The following GRIN2A variants were observed in gnomAD, a reference collection of about 807,000 sequenced individuals.
GRIN2A encodes the protein glutamate receptor ionotropic, NMDA 2A.
GRIN2A carries 22 observed loss-of-function variants against 113.4 expected under a neutral mutation model. The observed-to-expected ratio is 0.19, with a 90% confidence interval of 0.14 to 0.28. The LOEUF is 0.28. GRIN2A is among the 10% of genes least tolerant of loss of function. GRIN2A has a pLI of 1.00. For missense variants in GRIN2A, 1,502 were observed against 1,887.0 expected (o/e 0.80, Z 3.78); for synonymous variants, 827 against 738.4 (o/e 1.12, Z -1.94).
In GRIN2A at chr16:10,096,247, G is replaced by C. The variant is rs116235583; in HGVS notation, c.414+83751C>G. ...GTTGACAGCCCCTACGGGACTCAGA[G>C]GATAGTGACATTCTGACATTCTCTG... On this transcript the variant is annotated intron_variant, in intron 2 of 12. Coordinates refer to ENST00000330684, the MANE Select transcript of GRIN2A (RefSeq NM_001134407.3). Among the ~76,000 whole-genome samples, 441 of 152,170 alleles carry C rather than the reference G, an allele frequency of 2.9e-3. 3 individuals carry two copies. Among genetic ancestry groups the C allele is most frequent in the African/African-American group, 0.01 (423 of 41,482 alleles).
intron 2 of GRIN2A, among the ~76,000 whole-genome samples, chr16:9,946,006 A>G (rs1206287575): frequency 6.6e-6 from 1 of 152,284 alleles, no homozygotes; most frequent in East Asian, 1.9e-4. Flanking sequence ...AAATGCATGG[A>G]GAAATGTATT....
At chr16:9,988,284 C>T (rs72774035) in intron 2 of GRIN2A, among the ~76,000 whole-genome samples, 6,592 of 146,858 alleles carry the variant, frequency 0.045, 440 homozygotes, top group African/African-American at 0.15. Flanking sequence ...TGTGTGTGTG[C>T]GTGTGTGTGT....
chr16:9,849,705 G>C, intron 5 of GRIN2A, 51 bp downstream of exon 5: 1 of 1,276,980 alleles, frequency 7.8e-7, no homozygotes, highest in Non-Finnish European at 1.1e-6. Flanking sequence ...GATGATCCAT[G>C]CTATTTCAAA....
At chr16:9,843,768 T>C (rs2042724667) in intron 5 of GRIN2A, among the ~76,000 whole-genome samples, 1 of 152,188 alleles carries the variant, frequency 6.6e-6, no homozygotes. Context: ...CATCTGTGTA[T>C]ATTTACATGT....
chr16:9,944,499 C>G (rs950701133), intron 2 of GRIN2A, among the ~76,000 whole-genome samples: 1 of 152,160 alleles, frequency 6.6e-6, no homozygotes, highest in Admixed American at 6.5e-5. Context: ...TCATCATGAC[C>G]ATCATCATAG....
At chr16:10,091,986 G>A (rs2048192374) in intron 2 of GRIN2A, among the ~76,000 whole-genome samples, 1 of 152,126 alleles carries the variant, frequency 6.6e-6, no homozygotes, top group African/African-American at 2.4e-5. Context: ...ATTGGATTAT[G>A]TATTTACAAT....
intron 2 of GRIN2A, among the ~76,000 whole-genome samples, chr16:9,978,532 T>C (rs1397855527): frequency 6.6e-6 from 1 of 151,994 alleles, no homozygotes; most frequent in Non-Finnish European, 1.5e-5. Flanking sequence ...CTTCCTCCTC[T>C]TTCTCCTCCT....
rs1022171749 is a variant in GRIN2A, at chr16:9,757,221, T to G, written c.*5928A>C. Reference sequence around the variant, plus strand: ...ACAAAAGCCTTCCTGTGCAAAAATGTAGGAGTGTGAGTGTGTTCACCTGGT... The same window carrying G: ...ACAAAAGCCTTCCTGTGCAAAAATGGAGGAGTGTGAGTGTGTTCACCTGGT... On this transcript the variant is annotated 3_prime_UTR_variant, in exon 13 of 13. Transcript: ENST00000330684. The G allele has an allele frequency of 1.4e-5, 3 of 219,904 alleles. No individual in the cohort carries two copies. The highest frequency in any genetic ancestry group is 2.7e-5 in the Non-Finnish European group (3 of 109,624). The allele number at this position is 219,904 out of a possible 1,614,324, so 13.6% of individuals were successfully genotyped here. A position where few individuals can be genotyped will look rare whatever the true frequency, so the allele number is the denominator to read the frequency against.
At chr16:10,117,966 A>G (rs1156684418) in intron 2 of GRIN2A, among the ~76,000 whole-genome samples, 1 of 152,136 alleles carries the variant, frequency 6.6e-6, no homozygotes, top group Non-Finnish European at 1.5e-5. Context: ...GGTCTGAACA[A>G]TGAGAGGGAG....
chr16:10,067,860 C>A (rs942169109), intron 2 of GRIN2A, among the ~76,000 whole-genome samples: 1 of 152,192 alleles, frequency 6.6e-6, no homozygotes, highest in Non-Finnish European at 1.5e-5. Context: ...ATTATATCCA[C>A]CCCCTCCACC....
intron 11 of GRIN2A, among the ~76,000 whole-genome samples, chr16:9,770,547 A>G (rs553975310): frequency 2.0e-5 from 3 of 152,200 alleles, no homozygotes; most frequent in African/African-American, 7.2e-5. Context: ...AAAGTTGGCT[A>G]ATCATCTAAT....
At chr16:9,968,474 T>G (rs1300978660) in intron 2 of GRIN2A, among the ~76,000 whole-genome samples, 2 of 150,356 alleles carry the variant, frequency 1.3e-5, no homozygotes, top group African/African-American at 4.9e-5. Context: ...CCACCACACC[T>G]GGCTAATTTT....
intron 2 of GRIN2A, among the ~76,000 whole-genome samples, chr16:10,105,376 C>T (rs1465472481): frequency 6.6e-6 from 1 of 152,116 alleles, no homozygotes; most frequent in African/African-American, 2.4e-5. Context: ...ACAGTCACAT[C>T]TGGCCAAGAG....
At chr16:10,062,629 C>T (rs1247547720) in intron 2 of GRIN2A, among the ~76,000 whole-genome samples, 6 of 152,176 alleles carry the variant, frequency 3.9e-5, no homozygotes, top group Non-Finnish European at 5.9e-5. Flanking sequence ...TTTTGGGAGG[C>T]CGAGGTGGGT....
At chr16:10,021,941 CA>C (rs976748690) in intron 2 of GRIN2A, among the ~76,000 whole-genome samples, 4 of 152,168 alleles carry the variant, frequency 2.6e-5, no homozygotes, top group African/African-American at 9.7e-5. Flanking sequence ...CAAGTCGCTT[CA>C]CCTCTCTGAG....
intron 2 of GRIN2A, among the ~76,000 whole-genome samples, chr16:10,134,142 G>C (rs914225225): frequency 2.7e-5 from 4 of 148,346 alleles, no homozygotes; most frequent in Non-Finnish European, 1.5e-5. Context: ...GGTGCAGTGA[G>C]TGATCACATC....
intron 7 of GRIN2A, 31 bp downstream of exon 7, chr16:9,840,616 G>A (rs867585338): frequency 6.3e-7 from 1 of 1,598,978 alleles, no homozygotes; most frequent in African/African-American, 1.3e-5. Flanking sequence ...TTCCTTATAG[G>A]AAAGCAATAG....
intron 2 of GRIN2A, among the ~76,000 whole-genome samples, chr16:9,967,928 T>C (rs1000636260): frequency 3.3e-5 from 5 of 152,178 alleles, no homozygotes; most frequent in Non-Finnish European, 7.3e-5. Context: ...GAATTATTAA[T>C]GCATTAGGAG....
rs528643800 is a variant in GRIN2A, at chr16:9,874,592, C to G, written c.1122+16394G>C. Among the ~76,000 whole-genome samples, 12 of 152,262 alleles carry G rather than the reference C, an allele frequency of 7.9e-5. No homozygotes were observed. The South Asian group carries it at 2.5e-3, about 32-fold the overall frequency. On this transcript the variant is annotated intron_variant, in intron 4 of 12. Transcript: ENST00000330684. ...ACAGCCTTCACTACTGATATATGAACGCCACCCATCTCTACCATAAGGTAC... is the reference window on the plus strand; with the variant it reads ...ACAGCCTTCACTACTGATATATGAAGGCCACCCATCTCTACCATAAGGTAC...
Sources: allele counts gnomAD v4.1 joint callset (sites outside exome capture counted in the v4.1 genomes callset), GRCh38; gene constraint gnomAD v4.1.1; transcripts MANE v1.5; gene names NCBI Gene and HGNC (gene_info 2026-07-23, HGNC 2026-07-21).